Variants in FDFT1 observed in about 807,000 individuals in gnomAD.
FDFT1 encodes farnesyl-diphosphate farnesyltransferase 1.
In FDFT1, 68 loss-of-function variants were observed where a neutral mutation model predicts 46.8. The ratio of observed to expected loss-of-function variants is 1.45; its 90% CI spans 1.19 to 1.78. The LOEUF is 1.78. FDFT1 is among the 40% of genes most tolerant of loss of function. FDFT1 has a pLI of 0.00. For synonymous variants in FDFT1, 351 were observed against 185.1 expected (o/e 1.90, Z -7.28); for missense variants, 928 against 524.4 (o/e 1.77, Z -7.52).
At chr8:11,827,183 A>G (rs1045074976) in intron 5 of FDFT1, among the ~76,000 whole-genome samples, 2 of 152,096 alleles carry the variant, frequency 1.3e-5, no homozygotes, top group African/African-American at 2.4e-5. Flanking sequence ...AAGTTTTAAA[A>G]AGACGGGTGA....
intron 1 of FDFT1, among the ~76,000 whole-genome samples, chr8:11,807,589 A>AATT (rs1212991275): frequency 6.6e-6 from 1 of 152,240 alleles, no homozygotes. Flanking sequence ...ACTGCTCTAA[A>AATT]AAATAGTCCA....
At position 11,831,683 on chromosome 8, in the gene FDFT1, T is replaced by A; in HGVS notation, c.1032+13T>A. On this transcript the variant is annotated intron_variant, in intron 7 of 7. Coordinates refer to ENST00000220584, the MANE Select transcript of FDFT1 (RefSeq NM_004462.5). ...GTATATGGAAGAGGTGGGTTTTTAT[T>A]TAACTACTTGGATAATTTGTAGCTA... is the stretch of plus-strand genomic sequence containing the variant. 6.2e-7 allele frequency: 1 copy of A among 1,605,052 alleles called. No individual in the cohort carries two copies. The highest frequency in any genetic ancestry group is 8.5e-7 in the Non-Finnish European group (1 of 1,171,926).
At position 11,802,853 on chromosome 8, in the gene FDFT1, TG is replaced by T. The variant is rs1806305501; in HGVS notation, c.23del (p.Gly8AlafsTer20). 1.2e-6 allele frequency: 2 copies of T among 1,610,914 alleles called. No individual in the cohort carries two copies. On this transcript the variant is annotated frameshift_variant, in exon 1 of 8. Coordinates refer to ENST00000220584, the MANE Select transcript of FDFT1 (RefSeq NM_004462.5). LOFTEE classifies it high-confidence loss of function. ...CCAGGATGGAGTTCGTGAAATGCCT[TG>T]GCCACCCCGAAGAGTTCTACAACCT... Reference protein sequence around the residue: MEFVKCLGHPEEFYNLVR... With the variant: MEFVKCLXHPEEFYNLVR...
chr8:11,823,661 G>A (rs1809566206), intron 4 of FDFT1, among the ~76,000 whole-genome samples: 1 of 152,012 alleles, frequency 6.6e-6, no homozygotes, highest in African/African-American at 2.4e-5. Flanking sequence ...TTGACCTTCT[G>A]GGCTCAAGCA....
intron 3 of FDFT1, among the ~76,000 whole-genome samples, chr8:11,814,176 T>A (rs571888617): frequency 6.6e-6 from 1 of 152,242 alleles, no homozygotes; most frequent in Non-Finnish European, 1.5e-5. Flanking sequence ...TCTAATAACC[T>A]CTTGTAGAAT....
chr8:11,821,788 A>C lies in FDFT1; in HGVS notation c.420A>C (p.Gln140His). ...TTAGAAATCTGGCTGAGAAATACCA[A>C]ACAGTGATTGCCGACATTTGCCGGA... ...LEFRNLAEKY[Q>H]TVIADICRRM... is the part of the protein sequence containing the mutation. Residue 140 changes from glutamine to histidine, a missense_variant, in exon 4 of 8, where the codon CAA (glutamine) becomes CAC (histidine). Transcript: ENST00000220584. 6.2e-7 allele frequency: 1 copy of C among 1,613,686 alleles called. No homozygotes were observed. The highest frequency in any genetic ancestry group is 1.3e-5 in the African/African-American group (1 of 75,032).
At chr8:11,809,140 T>C in intron 2 of FDFT1, 3 of 1,306,650 alleles carry the variant, frequency 2.3e-6, no homozygotes, top group Non-Finnish European at 2.9e-6. Context: ...TAACTTTTTT[T>C]AGTCTTGGCA....
At chr8:11,802,727 C>A (rs923270115), upstream of FDFT1, 2 of 860,886 alleles carry the variant, frequency 2.3e-6, no homozygotes, top group Non-Finnish European at 1.9e-6. Context: ...TGCCCCCTGT[C>A]CGGCCAGCCC....
chr8:11,803,150 G>A (rs1806356009), intron 1 of FDFT1: 1 of 1,427,286 alleles, frequency 7.0e-7, no homozygotes, highest in East Asian at 2.7e-5. Flanking sequence ...GCCGCCCTGG[G>A]CATGAGCGAC....
chr8:11,826,200 G>A lies in FDFT1; in HGVS notation c.687G>A (p.Glu229=), dbSNP rs144388940. Residue 229 remains glutamate, a synonymous_variant, in exon 5 of 8, where the codon GAG becomes GAA. Transcript: ENST00000220584. ...DYLEDQQGGR[E]FWPQEVWSRY... ...TGGAAGACCAGCAAGGAGGAAGAGA[G>A]TTCTGGCCTCAAGAGGTAACAGATT... is the stretch of plus-strand genomic sequence containing the variant. The A allele has an allele frequency of 1.9e-5, 29 of 1,556,932 alleles. No individual in the cohort carries two copies. The African/African-American group carries it at 2.6e-4, about 14-fold the overall frequency.
intron 3 of FDFT1, among the ~76,000 whole-genome samples, chr8:11,816,314 T>G (rs1375894973): frequency 2.0e-5 from 3 of 152,180 alleles, no homozygotes; most frequent in Admixed American, 6.5e-5. Flanking sequence ...TGCCTCCAGC[T>G]TTGTTCTTTT....
intron 5 of FDFT1, among the ~76,000 whole-genome samples, chr8:11,829,838 T>C (rs1162784329): frequency 6.6e-6 from 1 of 151,964 alleles, no homozygotes; most frequent in Non-Finnish European, 1.5e-5. Context: ...CATAGTGTTT[T>C]TTTTTGTTTT....
At chr8:11,803,982 A>G (rs536637096) in intron 1 of FDFT1, 6 of 152,416 alleles carry the variant, frequency 3.9e-5, no homozygotes, top group Non-Finnish European at 7.3e-5. Context: ...AATAACTTCT[A>G]TTATTTGATA....
Position 11,838,370 on chromosome 8 carries a change from T to C in FDFT1, c.1033-18T>C. ...TAAAGCACATAGCACTTATCATTTT[T>C]TCCTGTGTCTTTAACAGATTTATCA... On this transcript the variant is annotated intron_variant, in intron 7 of 7. Transcript: ENST00000220584. The C allele has an allele frequency of 1.3e-6, 2 of 1,599,392 alleles. No individual in the cohort carries two copies. The highest frequency in any genetic ancestry group is 2.2e-5 in the South Asian group (2 of 90,780).
Position 11,831,561 on chromosome 8 carries a change from A to G in FDFT1, c.923A>G (p.Gln308Arg), listed in dbSNP as rs866126681. ...TTGGCTGCCTGTTATAATAACCAGC[A>G]GGTGTTCAAAGGGGCAGTGAAGATT... is the stretch of plus-strand genomic sequence containing the variant. The part of the protein sequence containing the change: ...ATLAACYNNQ[Q>R]VFKGAVKIRK... Residue 308 changes from glutamine to arginine, a missense_variant, in exon 7 of 8, where the codon CAG becomes CGG. By Grantham distance (43) the Gln-to-Arg change is conservative. Transcript: ENST00000220584. 4.3e-5 allele frequency: 70 copies of G among 1,614,026 alleles called. No homozygotes were observed. In the Admixed American group the frequency reaches 1.2e-3, roughly 27 times the overall value.
intron 1 of FDFT1, chr8:11,803,372 T>C (rs1479859983): frequency 7.8e-7 from 1 of 1,289,974 alleles, no homozygotes; most frequent in Non-Finnish European, 1.0e-6. Context: ...TCCTCCAGTT[T>C]CACCACCTCT....
upstream of FDFT1, among the ~76,000 whole-genome samples, chr8:11,800,534 C>G (rs1354054904): frequency 6.6e-6 from 1 of 152,002 alleles, no homozygotes; most frequent in Non-Finnish European, 1.5e-5. Context: ...TAGAGGAGAA[C>G]AAAGGAAGGA....
At chr8:11,829,082 T>G (rs1468019041) in intron 5 of FDFT1, among the ~76,000 whole-genome samples, 1 of 152,226 alleles carries the variant, frequency 6.6e-6, no homozygotes, top group Non-Finnish European at 1.5e-5. Context: ...CCAGACGCTT[T>G]TCCAAGGTCG....
At chr8:11,828,355 A>C (rs1003103065) in intron 5 of FDFT1, among the ~76,000 whole-genome samples, 1 of 152,206 alleles carries the variant, frequency 6.6e-6, no homozygotes, top group African/African-American at 2.4e-5. Flanking sequence ...TGGCCTTTTA[A>C]GTTTCCTAGG....
Sources: gnomAD v4.1 joint callset for allele counts (sites outside exome capture counted in the v4.1 genomes callset) on GRCh38, gnomAD v4.1.1 for gene constraint, MANE v1.5 for transcripts, NCBI Gene and HGNC (gene_info 2026-07-23, HGNC 2026-07-21) for gene names.